MOXD1: variants seen among roughly 807,000 people sequenced by gnomAD.
MOXD1 encodes the protein DBH-like monooxygenase protein 1.
MOXD1 carries 62 observed loss-of-function variants against 66.6 expected under a neutral mutation model. That is an observed-to-expected ratio of 0.93 (90% CI 0.76 to 1.15). The LOEUF is 1.15. Among genes scored for constraint, MOXD1 ranks in the 50% most tolerant of loss-of-function variants. The probability of loss-of-function intolerance (pLI) is 0.00; values close to 1 mark genes in which losing one functional copy is unlikely to be tolerated. For synonymous variants in MOXD1, 303 were observed against 281.9 expected, an observed-to-expected ratio of 1.07 and a Z score of -0.75; for missense variants, 847 against 754.6, an observed-to-expected ratio of 1.12 and a Z score of -1.44.
intron 4 of MOXD1, among the ~76,000 whole-genome samples, chr6:132,330,923 C>A (rs1380273374): frequency 6.6e-6 from 1 of 152,134 alleles, no homozygotes; most frequent in African/African-American, 2.4e-5. Flanking sequence ...CGAGTCATGC[C>A]ACACCTAAGC....
chr6:132,374,888 G>A (rs1776347342), intron 1 of MOXD1, 111 bp from the exon 2 acceptor site: 4 of 1,131,816 alleles, frequency 3.5e-6, no homozygotes, highest in Non-Finnish European at 3.8e-6. Flanking sequence ...TATAAATCCC[G>A]GGAATTTCCA....
At chr6:132,336,677 A>T (rs1254207577) in intron 4 of MOXD1, among the ~76,000 whole-genome samples, 1 of 152,196 alleles carries the variant, frequency 6.6e-6, no homozygotes, top group East Asian at 1.9e-4. Flanking sequence ...GGGCCACAGC[A>T]TGAATGGACC....
intron 4 of MOXD1, among the ~76,000 whole-genome samples, chr6:132,333,896 C>T (rs1207817832): frequency 6.6e-6 from 1 of 152,166 alleles, no homozygotes; most frequent in Non-Finnish European, 1.5e-5. Flanking sequence ...AGACTTCAAC[C>T]TGAAAGAGGA....
In MOXD1 at chr6:132,365,359, G is replaced by A. The variant is rs9493295; in HGVS notation, c.663+7249C>T. Among the ~76,000 whole-genome samples the A allele has an allele frequency of 9.1e-3, 1,382 of 152,178 alleles. 26 individuals carry two copies. The highest frequency in any genetic ancestry group is 0.032 in the African/African-American group (1,313 of 41,516). On this transcript the variant is annotated intron_variant, in intron 4 of 11. Coordinates refer to ENST00000367963, the MANE Select transcript of MOXD1 (RefSeq NM_015529.4). ...TTTTAACTTCAAGGGAGGCAGTGGC[G>A]TACTCAGTATTTTCACCTCAGCATG... is the stretch of plus-strand genomic sequence containing the variant.
chr6:132,340,357 G>A (rs918070123), intron 4 of MOXD1, among the ~76,000 whole-genome samples: 3 of 151,678 alleles, frequency 2.0e-5, no homozygotes, highest in African/African-American at 7.3e-5. Flanking sequence ...GACAAGCAAC[G>A]AAGGCTGAGG....
Position 132,322,675 on chromosome 6 carries a change from A to G in MOXD1, c.1305+4T>C. 1 of 1,611,662 alleles carries G rather than the reference A, an allele frequency of 6.2e-7. No individual in the cohort carries two copies. On this transcript the variant is annotated splice_donor_region_variant and intron_variant, in intron 8 of 11. Transcript: ENST00000367963. ...TCAATGAAAAAGAACAAAAACATGC[A>G]TACTGGTAAGATTGTTTGTTCTTCC... is the stretch of plus-strand genomic sequence containing the variant.
chr6:132,354,490 G>T (rs1218765387), intron 4 of MOXD1, among the ~76,000 whole-genome samples: 1 of 152,234 alleles, frequency 6.6e-6, no homozygotes, highest in African/African-American at 2.4e-5. Context: ...TCTGCACAGA[G>T]CCCTGTGATG....
intron 10 of MOXD1, among the ~76,000 whole-genome samples, chr6:132,311,328 TTTATC>T (rs1774825502): frequency 6.6e-6 from 1 of 151,374 alleles, no homozygotes; most frequent in African/African-American, 2.5e-5. Flanking sequence ...ATTGAATTGA[TTTATC>T]TAATCAAGTC....
intron 1 of MOXD1, among the ~76,000 whole-genome samples, chr6:132,397,987 T>G (rs1776935002): frequency 6.6e-6 from 1 of 152,216 alleles, no homozygotes; most frequent in Non-Finnish European, 1.5e-5. Flanking sequence ...TTTTAGTGTA[T>G]CCATAACCCA....
intron 6 of MOXD1, among the ~76,000 whole-genome samples, chr6:132,327,111 A>G (rs913314851): frequency 4.6e-5 from 7 of 152,140 alleles, no homozygotes; most frequent in Non-Finnish European, 1.5e-5. Context: ...CAGCATCTCC[A>G]GTCACCCAGA....
At chr6:132,320,358 A>G (rs891880245) in intron 9 of MOXD1, among the ~76,000 whole-genome samples, 1 of 152,140 alleles carries the variant, frequency 6.6e-6, no homozygotes, top group African/African-American at 2.4e-5. Flanking sequence ...AAAATATTAG[A>G]TGAGAAAAAT....
chr6:132,372,573 G>T, intron 4 of MOXD1, 35 bp downstream of exon 4: 2 of 1,518,782 alleles, frequency 1.3e-6, no homozygotes, highest in Non-Finnish European at 9.1e-7. Flanking sequence ...TTCCACTCAT[G>T]AAAATTAATT....
chr6:132,375,606 G>C (rs1776363711), intron 1 of MOXD1, among the ~76,000 whole-genome samples: 1 of 152,102 alleles, frequency 6.6e-6, no homozygotes, highest in South Asian at 2.1e-4. Flanking sequence ...ATTTTTAGTA[G>C]AGATGGGGTT....
chr6:132,342,544 G>T (rs1375184325), intron 4 of MOXD1, among the ~76,000 whole-genome samples: 1 of 152,040 alleles, frequency 6.6e-6, no homozygotes, highest in Non-Finnish European at 1.5e-5. Flanking sequence ...TTTGTTATTT[G>T]TGTATGAGTG....
intron 8 of MOXD1, 106 bp downstream of exon 8, chr6:132,322,573 G>T: frequency 8.9e-7 from 1 of 1,122,744 alleles, no homozygotes; most frequent in Non-Finnish European, 1.3e-6. Flanking sequence ...TAAGAATACA[G>T]ATGCAAGGAA....
At chr6:132,395,401 A>G (rs1259430763) in intron 1 of MOXD1, among the ~76,000 whole-genome samples, 2 of 152,142 alleles carry the variant, frequency 1.3e-5, no homozygotes, top group Non-Finnish European at 2.9e-5. Flanking sequence ...GGAAAAGACT[A>G]GAAGGTTACC....
intron 4 of MOXD1, among the ~76,000 whole-genome samples, chr6:132,350,329 A>G (rs770749590): frequency 1.3e-5 from 2 of 151,784 alleles, no homozygotes; most frequent in Non-Finnish European, 2.9e-5. Flanking sequence ...ATCCAGTTTC[A>G]CTCTCCTACA....
rs947237848 is a variant in MOXD1 at position 132,392,092 on chromosome 6, T to C, written c.264+9071A>G. 1.4e-5 allele frequency: 18 copies of C among 1,308,362 alleles called. No homozygotes were observed. In the African/African-American group the frequency reaches 2.5e-4, roughly 18 times the overall value. 81.0% of individuals were successfully genotyped at this position (1,308,362 alleles called of 1,614,324 possible). A position where few individuals can be genotyped will look rare whatever the true frequency, so the allele number is the denominator to read the frequency against. ...TCTCTTCATCTCTCCCTTACAGCCTTTCAATTTGCTTTCCAAACATTTCTT... is the reference window on the plus strand; with the variant it reads ...TCTCTTCATCTCTCCCTTACAGCCTCTCAATTTGCTTTCCAAACATTTCTT... On this transcript the variant is annotated intron_variant, in intron 1 of 11. Coordinates refer to ENST00000367963, the MANE Select transcript of MOXD1 (RefSeq NM_015529.4).
chr6:132,310,336 C>T (rs928538416), intron 10 of MOXD1, among the ~76,000 whole-genome samples: 10 of 152,126 alleles, frequency 6.6e-5, no homozygotes, highest in African/African-American at 2.2e-4. Context: ...ATTAAAAAGT[C>T]AGGTAACAAC....
Sources: gnomAD v4.1 joint callset for allele counts (sites outside exome capture counted in the v4.1 genomes callset) on GRCh38, gnomAD v4.1.1 for gene constraint, MANE v1.5 for transcripts, NCBI Gene and HGNC (gene_info 2026-07-23, HGNC 2026-07-21) for gene names.